Variants in ANKRD36C observed in about 807,000 individuals in gnomAD.
ANKRD36C encodes the protein ankyrin repeat domain 36C.
Under a neutral mutation model 276.4 loss-of-function variants are expected in ANKRD36C, and 61 were observed. The observed-to-expected ratio is 0.22, with a 90% CI of 0.18 to 0.27. The LOEUF (loss-of-function observed/expected upper bound fraction) is 0.27. Among genes scored for constraint, ANKRD36C ranks in the 10% least tolerant of loss-of-function variants. The pLI is 1.00. For synonymous variants in ANKRD36C, 483 were observed against 680.1 expected (o/e 0.71, Z 4.51); for missense variants, 1,447 against 2,032.3 (o/e 0.71, Z 5.54).
chr2:95,927,861 T>C (rs144082349), intron 26 of ANKRD36C, among the ~76,000 whole-genome samples: 3,500 of 151,688 alleles, frequency 0.023, 136 homozygotes, highest in African/African-American at 0.081. Context: ...GATACACAAT[T>C]ACGATGACAA....
At chr2:95,893,652 A>C (rs751551410) in intron 44 of ANKRD36C, 44 bp downstream of exon 63, 1 of 1,597,678 alleles carries the variant, frequency 6.3e-7, no homozygotes, top group Admixed American at 1.7e-5. Context: ...TGTTTCATAG[A>C]CCATACATTA....
At chr2:95,885,607 A>G in intron 52 of ANKRD36C, among the ~76,000 whole-genome samples, 2 of 151,906 alleles carry the variant, frequency 1.3e-5, no homozygotes, top group Non-Finnish European at 2.9e-5. Flanking sequence ...TGTGGAAAAT[A>G]ATTGCTACTT....
At chr2:95,890,571 C>G (rs1676319532) in intron 46 of ANKRD36C, among the ~76,000 whole-genome samples, 1 of 151,456 alleles carries the variant, frequency 6.6e-6, no homozygotes, top group Non-Finnish European at 1.5e-5. Flanking sequence ...CCTCTCACAC[C>G]CATGTGGTGT....
chr2:95,896,189 T>A (rs1676544713), intron 44 of ANKRD36C, among the ~76,000 whole-genome samples: 5 of 148,626 alleles, frequency 3.4e-5, no homozygotes, highest in Admixed American at 3.4e-4. Context: ...AGTGTAATAA[T>A]TTGCCTAAGT....
chr2:95,928,720 T>G (rs965374012), intron 26 of ANKRD36C, among the ~76,000 whole-genome samples: 1 of 151,482 alleles, frequency 6.6e-6, no homozygotes, highest in Non-Finnish European at 1.5e-5. Context: ...CAATATGATA[T>G]GATGCCTATA....
At chr2:95,908,268 T>C (rs1438972290) in intron 42 of ANKRD36C, among the ~76,000 whole-genome samples, 1 of 150,380 alleles carries the variant, frequency 6.6e-6, no homozygotes, top group Non-Finnish European at 1.5e-5. Flanking sequence ...CTTGAACTGC[T>C]CTCCATATTT....
At chr2:95,912,623 T>G (rs1224129007) in intron 40 of ANKRD36C, among the ~76,000 whole-genome samples, 188 bp from the exon 43 acceptor site, 1 of 151,402 alleles carries the variant, frequency 6.6e-6, no homozygotes, top group Non-Finnish European at 1.5e-5. Flanking sequence ...ACAGGCTCCA[T>G]GAAATATACC....
chr2:95,856,152 A>T, exon 63 of ANKRD36C: 1 of 1,604,630 alleles, frequency 6.2e-7, no homozygotes, highest in Non-Finnish European at 8.5e-7. Context: ...TTCATGCAGC[A>T]GGTCTTCTTT....
chr2:95,986,852 C>A (rs758856483), exon 3 of ANKRD36C: 23 of 1,611,796 alleles, frequency 1.4e-5, no homozygotes, highest in African/African-American at 4.0e-5. Context: ...CTTCCAAAGA[C>A]ATCCGTAATA....
intron 5 of ANKRD36C, among the ~76,000 whole-genome samples, chr2:95,979,648 T>A (rs910778853): frequency 6.6e-6 from 1 of 151,936 alleles, no homozygotes; most frequent in African/African-American, 2.4e-5. Flanking sequence ...TTTACACTGT[T>A]TATATAAAAA....
Position 95,924,105 on chromosome 2 carries a change from C to T in ANKRD36C, c.2042-416G>A, listed in dbSNP as rs773480220. ...ACACTAGTATACTACAAACATTCAT[C>T]ATGCTCTTTAACTTGCCTGATAACT... is the stretch of plus-strand genomic sequence containing the variant. On this transcript the variant is annotated intron_variant, in intron 30 of 66. Transcript: ENST00000456556. Among the ~76,000 whole-genome samples, 20 of 151,684 alleles carry T rather than the reference C, an allele frequency of 1.3e-4. 1 individual carries two copies. The highest frequency in any genetic ancestry group is 4.4e-5 in the Non-Finnish European group (3 of 67,752).
intron 58 of ANKRD36C, among the ~76,000 whole-genome samples, chr2:95,879,687 CA>C (rs1212949612): frequency 6.6e-6 from 1 of 152,018 alleles, no homozygotes; most frequent in Non-Finnish European, 1.5e-5. Context: ...TGACCAGAAC[CA>C]ATAAAAGTTA....
chr2:95,909,803 T>G (rs910391895), intron 42 of ANKRD36C, among the ~76,000 whole-genome samples: 6 of 150,050 alleles, frequency 4.0e-5, no homozygotes, highest in African/African-American at 1.5e-4. Context: ...AAATCAAGTA[T>G]TTTTTATTAA....
chr2:95,915,918 T>C, intron 38 of ANKRD36C, 62 bp downstream of exon 40: 12 of 1,519,784 alleles, frequency 7.9e-6, no homozygotes, highest in Admixed American at 2.0e-5. Flanking sequence ...CACTGATTTA[T>C]TCGGGGAAGA....
At chr2:95,973,932 T>C (rs1678752010) in intron 6 of ANKRD36C, among the ~76,000 whole-genome samples, 1 of 151,942 alleles carries the variant, frequency 6.6e-6, no homozygotes, top group Non-Finnish European at 1.5e-5. Context: ...CTTGTAGCAG[T>C]ATCAGCGACT....
chr2:95,963,990 T>A (rs1325721332), intron 6 of ANKRD36C, among the ~76,000 whole-genome samples: 2 of 19,354 alleles, frequency 1.0e-4, no homozygotes, highest in Admixed American at 7.1e-4. Flanking sequence ...TATATATATA[T>A]ATATATATAT....
At chr2:95,869,888 G>A (rs1412683718) in intron 59 of ANKRD36C, among the ~76,000 whole-genome samples, 15 of 152,194 alleles carry the variant, frequency 9.9e-5, no homozygotes, top group Admixed American at 5.9e-4. Flanking sequence ...AGGGTCCTAC[G>A]CCCATGGAGT....
rs771247243 is a variant in ANKRD36C, at chr2:95,912,330, G to C, written c.2581-14C>G. 1.3e-6 allele frequency: 2 copies of C among 1,592,710 alleles called. No individual in the cohort carries two copies. Among genetic ancestry groups the C allele is most frequent in the South Asian group, 1.1e-5 (1 of 89,396 alleles). Reference sequence around the variant, plus strand: ...ATCACTTGTAGCCTGAATGGAATTTGAAACAAAATAATAAATAAGGTATGT... The same window carrying C: ...ATCACTTGTAGCCTGAATGGAATTTCAAACAAAATAATAAATAAGGTATGT... On this transcript the variant is annotated splice_polypyrimidine_tract_variant and intron_variant, in intron 41 of 66. Coordinates refer to ENST00000456556, the Ensembl canonical transcript of ANKRD36C.
intron 18 of ANKRD36C, 150 bp downstream of exon 18, chr2:95,944,964 G>A (rs1677997660): frequency 5.0e-6 from 6 of 1,203,136 alleles, no homozygotes; most frequent in Non-Finnish European, 5.8e-6. Context: ...TTGAACCCAG[G>A]AGGTGGAAGT....
Sources: allele counts gnomAD v4.1 joint callset (sites outside exome capture counted in the v4.1 genomes callset), GRCh38; gene constraint gnomAD v4.1.1; transcripts MANE v1.5; gene names NCBI Gene and HGNC (gene_info 2026-07-23, HGNC 2026-07-21).